Variants in STK31 observed in about 807,000 individuals in gnomAD.
STK31 encodes the protein serine/threonine-protein kinase 31.
STK31 carries 89 observed loss-of-function variants against 129.7 expected under a neutral mutation model. The ratio of observed to expected loss-of-function variants is 0.69; its 90% CI spans 0.58 to 0.82. STK31 has a LOEUF of 0.82. Among genes scored for constraint, STK31 ranks in the 40% least tolerant of loss-of-function variants. The pLI is 0.00. For missense variants in STK31, 1,187 were observed against 1,176.4 expected (o/e 1.01, Z -0.13); for synonymous variants, 448 against 395.3 (o/e 1.13, Z -1.58).
At chr7:23,808,257 T>A (rs1792844987) in intron 22 of STK31, among the ~76,000 whole-genome samples, 1 of 151,702 alleles carries the variant, frequency 6.6e-6, no homozygotes, top group Admixed American at 6.6e-5. Context: ...TCTGCTGACA[T>A]CACCCCAGCA....
chr7:23,763,366 C>T (rs1029756380), intron 11 of STK31, among the ~76,000 whole-genome samples: 17 of 152,124 alleles, frequency 1.1e-4, no homozygotes, highest in African/African-American at 4.1e-4. Context: ...GTACATATAG[C>T]TATATGATAT....
intron 6 of STK31, 95 bp downstream of exon 6, chr7:23,729,344 A>C: frequency 8.6e-7 from 1 of 1,168,730 alleles, no homozygotes; most frequent in East Asian, 2.7e-5. Flanking sequence ...TTAATATAAA[A>C]GTCTGTATAA....
At chr7:23,822,413 T>A (rs1793838052) in intron 23 of STK31, among the ~76,000 whole-genome samples, 1 of 152,142 alleles carries the variant, frequency 6.6e-6, no homozygotes, top group Non-Finnish European at 1.5e-5. Context: ...ATGGGATTAC[T>A]TTCTTGATGT....
intron 17 of STK31, among the ~76,000 whole-genome samples, chr7:23,785,133 C>T (rs1355972351): frequency 3.3e-5 from 5 of 152,134 alleles, no homozygotes; most frequent in Admixed American, 6.5e-5. Context: ...TCCTCACCCC[C>T]GTCCCAATCA....
chr7:23,779,450 C>T (rs1790770099), intron 15 of STK31, among the ~76,000 whole-genome samples: 1 of 152,178 alleles, frequency 6.6e-6, no homozygotes. Context: ...GCCGCCCCTT[C>T]CCCCAGGTGC....
chr7:23,783,343 A>G (rs1003366852), intron 16 of STK31, among the ~76,000 whole-genome samples: 10 of 152,186 alleles, frequency 6.6e-5, no homozygotes, highest in Non-Finnish European at 1.2e-4. Flanking sequence ...CAGTTCATCC[A>G]CAAGGACTCA....
At chr7:23,754,194 A>T in intron 9 of STK31, 121 bp from the exon 10 acceptor site, 2 of 823,124 alleles carry the variant, frequency 2.4e-6, no homozygotes, top group East Asian at 5.6e-5. Context: ...TTTAAAAGGT[A>T]CCCCTTCAAA....
intron 4 of STK31, among the ~76,000 whole-genome samples, chr7:23,723,793 G>A (rs984188739): frequency 6.6e-6 from 1 of 152,096 alleles, no homozygotes; most frequent in African/African-American, 2.4e-5. Flanking sequence ...ACATGTTTTG[G>A]TGGTTGTATT....
At chr7:23,816,176 T>G (rs116224922) in intron 23 of STK31, among the ~76,000 whole-genome samples, 1,725 of 152,272 alleles carry the variant, frequency 0.011, 29 homozygotes, top group African/African-American at 0.04. Flanking sequence ...TATAAAACTT[T>G]GTGTTACACT....
Position 23,727,269 on chromosome 7 carries a change from A to AGT in STK31, c.281_282dup (p.Trp95ValfsTer8). ...TATGGTGGATTATTTTCTGAAGATC[A>AGT]GTGTTGGTACAGATGCAAAGTACTG... On this transcript the variant is annotated frameshift_variant, in exon 5 of 24. Transcript: ENST00000355870. LOFTEE classifies it high-confidence loss of function. The AGT allele has an allele frequency of 2.5e-6, 4 of 1,613,646 alleles. No homozygotes were observed. The highest frequency in any genetic ancestry group is 3.4e-6 in the Non-Finnish European group (4 of 1,179,790).
intron 22 of STK31, among the ~76,000 whole-genome samples, chr7:23,792,852 CCT>C (rs1016462273): frequency 3.3e-5 from 5 of 152,082 alleles, no homozygotes; most frequent in Admixed American, 1.3e-4. Flanking sequence ...GTGAGCACCC[CCT>C]GTCTCTACAA....
In STK31 at chr7:23,830,025, C is replaced by T. The variant is rs566953359; in HGVS notation, c.2830-2111C>T. Among the ~76,000 whole-genome samples the T allele has an allele frequency of 9.0e-4, 137 of 152,272 alleles. 2 individuals are homozygous for T. Among genetic ancestry groups the T allele is most frequent in the Non-Finnish European group, 1.1e-3 (73 of 68,020 alleles). ...AGTACAGTGGTGCAATCTTGGCTCACTGCAAGCTCCGCCTCCCGGGTTCAT... is the reference window on the plus strand; with the variant it reads ...AGTACAGTGGTGCAATCTTGGCTCATTGCAAGCTCCGCCTCCCGGGTTCAT... On this transcript the variant is annotated intron_variant, in intron 23 of 23. Coordinates refer to ENST00000355870, the MANE Select transcript of STK31 (RefSeq NM_031414.5).
intron 22 of STK31, among the ~76,000 whole-genome samples, chr7:23,794,249 G>T (rs1329488464): frequency 2.0e-5 from 3 of 152,128 alleles, no homozygotes; most frequent in Non-Finnish European, 4.4e-5. Flanking sequence ...TGCAGTTCTT[G>T]TGGAAGTAAG....
chr7:23,762,335 G>GT (rs1455506762), intron 10 of STK31, among the ~76,000 whole-genome samples: 1 of 147,732 alleles, frequency 6.8e-6, no homozygotes, highest in Non-Finnish European at 1.5e-5. Flanking sequence ...ATACAGTATG[G>GT]TAAGTGCTAT....
chr7:23,741,199 G>A (rs988725300), intron 8 of STK31, among the ~76,000 whole-genome samples: 1 of 152,084 alleles, frequency 6.6e-6, no homozygotes, highest in African/African-American at 2.4e-5. Flanking sequence ...GTCACAAGAT[G>A]TTCCATACTC....
chr7:23,810,788 A>ATATATAAATATGTATATATATTTG (rs1793069922), intron 22 of STK31, among the ~76,000 whole-genome samples: 2 of 130,042 alleles, frequency 1.5e-5, no homozygotes, highest in African/African-American at 3.1e-5. Flanking sequence ...TTATATATAA[A>ATATATAAATATGTATATATATTTG]TATATAAATA....
intron 22 of STK31, among the ~76,000 whole-genome samples, chr7:23,806,969 C>T (rs988384395): frequency 2.0e-5 from 3 of 151,756 alleles, no homozygotes; most frequent in Non-Finnish European, 2.9e-5. Flanking sequence ...AGTACCCTTC[C>T]CTGTACAGGA....
At chr7:23,781,351 C>A in intron 15 of STK31, 68 bp from the exon 16 acceptor site, 1 of 1,188,312 alleles carries the variant, frequency 8.4e-7, no homozygotes, top group Non-Finnish European at 1.2e-6. Context: ...TACTATAGAA[C>A]TTGAATTCTT....
chr7:23,830,261 C>T (rs779374914), intron 23 of STK31, among the ~76,000 whole-genome samples: 3 of 151,488 alleles, frequency 2.0e-5, no homozygotes, highest in Non-Finnish European at 4.4e-5. Context: ...TTTTGTGGAT[C>T]CTTTGTATTT....
Sources: gnomAD v4.1 joint callset for allele counts (sites outside exome capture counted in the v4.1 genomes callset) on GRCh38, gnomAD v4.1.1 for gene constraint, MANE v1.5 for transcripts, NCBI Gene and HGNC (gene_info 2026-07-23, HGNC 2026-07-21) for gene names.